Variants in RAP1GAP2 observed in about 807,000 individuals in gnomAD.
RAP1GAP2 encodes the protein RAP1 GTPase activating protein 2, also known as rap1 GTPase-activating protein 2.
Under a neutral mutation model 95.0 loss-of-function variants are expected in RAP1GAP2, and 27 were observed. The observed-to-expected ratio is 0.28, with a 90% CI of 0.21 to 0.39. The LOEUF is 0.39. Among genes scored for constraint, RAP1GAP2 ranks in the 10% least tolerant of loss-of-function variants. RAP1GAP2 has a pLI of 1.00. For synonymous variants in RAP1GAP2, 373 were observed against 380.9 expected (o/e 0.98, Z 0.24); for missense variants, 771 against 970.0 (o/e 0.79, Z 2.72).
intron 8 of RAP1GAP2, among the ~76,000 whole-genome samples, chr17:2,970,253 G>A (rs193156297): frequency 6.3e-5 from 8 of 126,472 alleles, no homozygotes; most frequent in Admixed American, 3.1e-4. Context: ...CGGCCTGGGC[G>A]ACAGAGTGAG....
intron 22 of RAP1GAP2, among the ~76,000 whole-genome samples, chr17:3,030,174 T>G (rs2047247946): frequency 9.6e-6 from 1 of 104,174 alleles, no homozygotes; most frequent in Admixed American, 9.2e-5. Context: ...ATAATATATA[T>G]TATACACACA....
At chr17:2,786,216 C>T (rs1314545011) in intron 1 of RAP1GAP2, among the ~76,000 whole-genome samples, 2 of 152,172 alleles carry the variant, frequency 1.3e-5, no homozygotes, top group East Asian at 3.9e-4. Context: ...TTATTCTTTA[C>T]AGATGAAAAA....
At chr17:2,924,393 AT>A (rs2042887992) in intron 3 of RAP1GAP2, among the ~76,000 whole-genome samples, 1 of 152,120 alleles carries the variant, frequency 6.6e-6, no homozygotes, top group Non-Finnish European at 1.5e-5. Context: ...AGCTGATTTG[AT>A]TTGGCAGCAG....
In RAP1GAP2 at chr17:2,800,243, C is replaced by A. The variant is rs146849935; in HGVS notation, c.45-272C>A. 3.7e-4 allele frequency: 367 copies of A among 984,390 alleles called. 1 individual carries two copies. In the African/African-American group the frequency reaches 5.8e-3, roughly 16 times the overall value. 61.0% of individuals were successfully genotyped at this position (984,390 alleles called of 1,614,324 possible). On this transcript the variant is annotated intron_variant, in intron 1 of 24. Transcript: ENST00000254695. Reference sequence around the variant, plus strand: ...GTGAGATACCTGAATTCAGACTGGGCCAGTGATTTTACCTTTCTGAGCCTG... The same window carrying A: ...GTGAGATACCTGAATTCAGACTGGGACAGTGATTTTACCTTTCTGAGCCTG...
chr17:2,789,728 G>C (rs1301514684), intron 1 of RAP1GAP2, among the ~76,000 whole-genome samples: 1 of 143,170 alleles, frequency 7.0e-6, no homozygotes, highest in Admixed American at 7.3e-5. Context: ...ACTGCAGTGA[G>C]CCGAGATTGC....
At chr17:2,912,703 G>C (rs1161847533) in intron 3 of RAP1GAP2, among the ~76,000 whole-genome samples, 1 of 152,148 alleles carries the variant, frequency 6.6e-6, no homozygotes, top group Non-Finnish European at 1.5e-5. Context: ...CACATCGATT[G>C]TGTTTCTGTT....
intron 2 of RAP1GAP2, among the ~76,000 whole-genome samples, chr17:2,844,437 C>T (rs1006605112): frequency 6.6e-6 from 1 of 152,106 alleles, no homozygotes; most frequent in Admixed American, 6.6e-5. Context: ...TTGATTACAA[C>T]AGGAGTGATG....
rs1438572468 is a variant in RAP1GAP2, at chr17:2,817,764, A to G, written c.80+17214A>G. ...TTGAACTCCTGACCTCAGGCAATCC[A>G]ACTGCCTCAACCTCCCAAAGTGTTA... On this transcript the variant is annotated intron_variant, in intron 2 of 24. Coordinates refer to ENST00000254695, the MANE Select transcript of RAP1GAP2 (RefSeq NM_015085.5). Among the ~76,000 whole-genome samples, 17 of 120,714 alleles carry G rather than the reference A, an allele frequency of 1.4e-4. 4 individuals are homozygous for G. The highest frequency in any genetic ancestry group is 4.0e-5 in the Non-Finnish European group (2 of 50,310). The allele number at this position is 120,714 out of a possible 152,430, so 79.2% of individuals were successfully genotyped here.
chr17:2,780,712 C>T (rs1366313850), intron 1 of RAP1GAP2, among the ~76,000 whole-genome samples: 2 of 152,200 alleles, frequency 1.3e-5, no homozygotes, highest in Non-Finnish European at 2.9e-5. Context: ...CAGCAGCCGC[C>T]GTCTTCATTA....
chr17:2,852,500 G>A (rs1326888486), intron 2 of RAP1GAP2, among the ~76,000 whole-genome samples: 1 of 152,116 alleles, frequency 6.6e-6, no homozygotes, highest in East Asian at 1.9e-4. Context: ...TCAGGCCCTC[G>A]AATTCGTTTG....
intron 1 of RAP1GAP2, chr17:2,800,264 G>T: frequency 1.0e-6 from 1 of 974,840 alleles, no homozygotes; most frequent in African/African-American, 1.8e-5. Flanking sequence ...ACCTTTCTGA[G>T]CCTGGGTTTC....
At chr17:2,760,686 A>G (rs1335456984) in intron 1 of RAP1GAP2, among the ~76,000 whole-genome samples, 4 of 150,916 alleles carry the variant, frequency 2.7e-5, no homozygotes, top group Non-Finnish European at 1.5e-5. Context: ...AATTTTCCCT[A>G]ATGTCCTTTC....
intron 1 of RAP1GAP2, among the ~76,000 whole-genome samples, chr17:2,789,815 A>G (rs1038256614): frequency 4.6e-5 from 7 of 151,390 alleles, no homozygotes; most frequent in Non-Finnish European, 8.8e-5. Context: ...AAATAAATAA[A>G]TTGTGCAATT....
At chr17:2,884,986 A>G (rs919105211) in intron 2 of RAP1GAP2, among the ~76,000 whole-genome samples, 1 of 151,150 alleles carries the variant, frequency 6.6e-6, no homozygotes, top group African/African-American at 2.4e-5. Flanking sequence ...CATAGCCGTT[A>G]CGGCCTGGCA....
intron 1 of RAP1GAP2, among the ~76,000 whole-genome samples, chr17:2,764,398 T>A (rs2068239641): frequency 7.1e-6 from 1 of 140,192 alleles, no homozygotes; most frequent in Admixed American, 7.4e-5. Flanking sequence ...CGCCATTGCC[T>A]GGGCGACGCA....
At chr17:2,805,417 G>A (rs1426448909) in intron 2 of RAP1GAP2, among the ~76,000 whole-genome samples, 1 of 152,068 alleles carries the variant, frequency 6.6e-6, no homozygotes, top group Non-Finnish European at 1.5e-5. Context: ...GTGCAGTGGT[G>A]CAATCTCGGC....
At chr17:2,987,767 A>G (rs2045606641) in intron 11 of RAP1GAP2, among the ~76,000 whole-genome samples, 1 of 152,230 alleles carries the variant, frequency 6.6e-6, no homozygotes, top group East Asian at 1.9e-4. Flanking sequence ...AAAGCAAAAT[A>G]AAATTATTGA....
intron 1 of RAP1GAP2, among the ~76,000 whole-genome samples, chr17:2,767,155 A>G (rs1417727384): frequency 6.6e-6 from 1 of 151,824 alleles, no homozygotes. Flanking sequence ...CGAGGTCAGG[A>G]GTTCGAGACC....
chr17:2,875,579 C>G (rs9892131), intron 2 of RAP1GAP2, among the ~76,000 whole-genome samples: 35,820 of 151,880 alleles, frequency 0.24, 4,587 homozygotes, highest in African/African-American at 0.34. Context: ...GCTCATGGAG[C>G]GGGTGAGAGG....
Sources: allele counts gnomAD v4.1 joint callset (sites outside exome capture counted in the v4.1 genomes callset), GRCh38; gene constraint gnomAD v4.1.1; transcripts MANE v1.5; gene names NCBI Gene and HGNC (gene_info 2026-07-23, HGNC 2026-07-21).